SMG6: variants seen among roughly 807,000 people sequenced by gnomAD.
The protein encoded by SMG6 is SMG6 nonsense mediated mRNA decay factor, also known as telomerase-binding protein EST1A.
A neutral mutation model predicts 142.2 loss-of-function variants in SMG6; 66 were observed. The ratio of observed to expected loss-of-function variants is 0.46; its 90% CI spans 0.38 to 0.57. The LOEUF is 0.57. Among genes scored for constraint, SMG6 ranks in the 20% least tolerant of loss-of-function variants. The probability of loss-of-function intolerance (pLI) is 0.00; values close to 1 mark genes in which losing one functional copy is unlikely to be tolerated. For missense variants in SMG6, 1,793 were observed against 1,832.0 expected (o/e 0.98, Z 0.39); for synonymous variants, 779 against 702.4 (o/e 1.11, Z -1.72).
chr17:2,231,584 C>A (rs1323372398), intron 10 of SMG6, among the ~76,000 whole-genome samples: 1 of 152,074 alleles, frequency 6.6e-6, no homozygotes, highest in East Asian at 1.9e-4. Context: ...GTGACCCCAG[C>A]TACTCAGGAG....
At position 2,249,066 on chromosome 17, in the gene SMG6, TG is replaced by T. The variant is rs1424234144; in HGVS notation, c.2662-4348del. ...CACGCCCCGTTAATTTTTTTTTTTTTGTATTTTCAGTAGAGATGGGGTTTCA... is the reference window on the plus strand; with the variant it reads ...CACGCCCCGTTAATTTTTTTTTTTTTTATTTTCAGTAGAGATGGGGTTTCA... On this transcript the variant is annotated intron_variant, in intron 8 of 18. Coordinates refer to ENST00000263073, the MANE Select transcript of SMG6 (RefSeq NM_017575.5). Among the ~76,000 whole-genome samples, 9 of 151,584 alleles carry T rather than the reference TG, an allele frequency of 5.9e-5. No homozygotes were observed. In the East Asian group the frequency reaches 1.7e-3, roughly 29 times the overall value.
intron 13 of SMG6, among the ~76,000 whole-genome samples, chr17:2,107,473 C>T (rs2069185847): frequency 6.6e-6 from 1 of 152,194 alleles, no homozygotes; most frequent in African/African-American, 2.4e-5. Flanking sequence ...TAGTTGTTAG[C>T]TGCTAGAGGA....
intron 10 of SMG6, 117 bp downstream of exon 10, chr17:2,236,375 G>C (rs1567707044): frequency 2.1e-6 from 2 of 932,940 alleles, no homozygotes; most frequent in East Asian, 5.1e-5. Context: ...GGTAGGGTGT[G>C]TGTGTTCGGG....
intron 13 of SMG6, among the ~76,000 whole-genome samples, chr17:2,108,974 C>A (rs1305053061): frequency 1.3e-5 from 2 of 152,106 alleles, no homozygotes; most frequent in Non-Finnish European, 2.9e-5. Flanking sequence ...TCATTTAATC[C>A]TTACTAAAAT....
chr17:2,127,827 C>G, intron 13 of SMG6: 1 of 551,700 alleles, frequency 1.8e-6, no homozygotes, highest in Non-Finnish European at 3.6e-6. Flanking sequence ...TTTTCACATT[C>G]ACAGTCTGAG....
chr17:2,113,187 A>T (rs2069392503), intron 13 of SMG6, among the ~76,000 whole-genome samples: 1 of 151,934 alleles, frequency 6.6e-6, no homozygotes, highest in Non-Finnish European at 1.5e-5. Flanking sequence ...CCGCGACTTC[A>T]GCCTCCTGAT....
chr17:2,125,318 T>C (rs138181737), intron 13 of SMG6, among the ~76,000 whole-genome samples: 78 of 152,168 alleles, frequency 5.1e-4, no homozygotes, highest in African/African-American at 1.7e-3. Context: ...AATCCAGACA[T>C]CCTGAGACCA....
chr17:2,206,422 AAAT>A (rs2072684186), intron 10 of SMG6, among the ~76,000 whole-genome samples: 1 of 151,742 alleles, frequency 6.6e-6, no homozygotes, highest in Non-Finnish European at 1.5e-5. Flanking sequence ...AAAAATAAAT[AAAT>A]AAAATTAGTT....
intron 1 of SMG6, chr17:2,303,293 A>C: frequency 1.2e-5 from 13 of 1,096,644 alleles, no homozygotes; most frequent in Non-Finnish European, 1.4e-5. Context: ...CGGGGCCTCC[A>C]CCAGACCCCA....
Position 2,299,104 on chromosome 17 carries a change from G to T in SMG6, c.1649C>A (p.Pro550Gln), listed in dbSNP as rs374612311. The change falls in exon 2 of 19, where the codon CCG becomes CAG. Residue 550 changes from proline (P) to glutamine (Q), a missense_variant. By Grantham distance (76) the Pro-to-Gln change is moderately conservative. This residue lies in a region of SMG6 where 1,597 missense variants were observed against 1,584.6 expected (regional missense o/e 1.01). Transcript: ENST00000263073. The surrounding 1 kb of genome is among the most constrained non-coding windows in gnomAD (Gnocchi z 4.3). ...PGPYYPGYPT[P>Q]SGQYVCSPLP... is the part of the protein sequence containing the mutation. ...AGGGCTACACACATACTGTCCTGAC[G>T]GAGTCGGGTAGCCTGGGTAGTAAGG... 2 of 1,614,164 alleles carry T rather than the reference G, an allele frequency of 1.2e-6. No individual in the cohort carries two copies. The highest frequency in any genetic ancestry group is 1.7e-6 in the Non-Finnish European group (2 of 1,180,002).
intron 6 of SMG6, among the ~76,000 whole-genome samples, chr17:2,291,175 T>C (rs555998366): frequency 9.9e-5 from 15 of 151,854 alleles, no homozygotes; most frequent in Middle Eastern, 3.4e-3. Context: ...ACTAAAAATA[T>C]AAAAAACTAG....
rs182614000 is a variant in SMG6 at position 2,144,109 on chromosome 17, A to G, written c.3357+28549T>C. ...GTTTCACTCTTGTTGCCCAGGCTGG[A>G]GTGCAATGGTGCGATCTCGGCTCAC... On this transcript the variant is annotated intron_variant, in intron 13 of 18. Coordinates refer to ENST00000263073, the MANE Select transcript of SMG6 (RefSeq NM_017575.5). 6.2e-4 allele frequency among the ~76,000 whole-genome samples: 78 copies of G among 125,018 alleles called. No homozygotes were observed. In the East Asian group the frequency reaches 0.019, roughly 30 times the overall value. 82.0% of individuals were successfully genotyped at this position (125,018 alleles called of 152,430 possible). A position where few individuals can be genotyped will look rare whatever the true frequency, so the allele number is the denominator to read the frequency against.
chr17:2,172,997 A>G (rs2071552408), intron 12 of SMG6, 138 bp from the exon 13 acceptor site: 1 of 783,268 alleles, frequency 1.3e-6, no homozygotes, highest in African/African-American at 1.7e-5. Flanking sequence ...ATACCCCAAA[A>G]ATGCTAGGAA....
At chr17:2,239,420 G>A (rs2073748400) in intron 9 of SMG6, among the ~76,000 whole-genome samples, 1 of 152,148 alleles carries the variant, frequency 6.6e-6, no homozygotes. Flanking sequence ...CCAAAAATTG[G>A]AAGCAATCTA....
chr17:2,103,954 C>CT lies in SMG6; in HGVS notation c.3358-18054dup, dbSNP rs572734238. ...CCAGGAGAATCACCATCAACACATT[C>CT]TTTTTTTTTTTTTTTCAGTTGGAAT... On this transcript the variant is annotated intron_variant, in intron 13 of 18. Coordinates refer to ENST00000263073, the MANE Select transcript of SMG6 (RefSeq NM_017575.5). Among the ~76,000 whole-genome samples, 399 of 141,684 alleles carry CT rather than the reference C, an allele frequency of 2.8e-3. 3 individuals carry two copies. Among genetic ancestry groups the CT allele is most frequent in the East Asian group, 0.012 (60 of 4,914 alleles). The allele number at this position is 141,684 out of a possible 152,430, so 93.0% of individuals were successfully genotyped here. A position where few individuals can be genotyped will look rare whatever the true frequency, so the allele number is the denominator to read the frequency against.
chr17:2,167,875 TTTTC>T (rs1159349860), intron 13 of SMG6, among the ~76,000 whole-genome samples: 38 of 152,194 alleles, frequency 2.5e-4, no homozygotes, highest in African/African-American at 9.2e-4. Flanking sequence ...CAAATTTCCT[TTTTC>T]TTTCTTTTTT....
At chr17:2,146,636 G>A (rs753284321) in intron 13 of SMG6, among the ~76,000 whole-genome samples, 1 of 152,168 alleles carries the variant, frequency 6.6e-6, no homozygotes, top group Non-Finnish European at 1.5e-5. Context: ...CACCTCCCAT[G>A]TTCAAGTGAT....
chr17:2,143,503 T>C (rs2070554257), intron 13 of SMG6, among the ~76,000 whole-genome samples: 2 of 152,082 alleles, frequency 1.3e-5, no homozygotes, highest in Non-Finnish European at 1.5e-5. Context: ...TATGATCCCA[T>C]TCATATGAAA....
chr17:2,160,423 T>C (rs9906706), intron 13 of SMG6, among the ~76,000 whole-genome samples: 5,825 of 152,240 alleles, frequency 0.038, 314 homozygotes, highest in African/African-American at 0.12. Context: ...TTCACCATAC[T>C]GCCCAGGCTA....
Sources: gnomAD v4.1 joint callset for allele counts (sites outside exome capture counted in the v4.1 genomes callset) on GRCh38, gnomAD v4.1.1 for gene constraint, gnomAD v4.1.1 regional missense constraint, Gnocchi (gnomAD v3.1) non-coding constraint, MANE v1.5 for transcripts, NCBI Gene and HGNC (gene_info 2026-07-23, HGNC 2026-07-21) for gene names.